The following LRRTM4 variants were observed in gnomAD, a reference collection of about 807,000 sequenced individuals.
LRRTM4 encodes leucine-rich repeat transmembrane neuronal protein 4.
A neutral mutation model predicts 47.6 loss-of-function variants in LRRTM4; 25 were observed. The ratio of observed to expected loss-of-function variants is 0.53; its 90% CI spans 0.38 to 0.73. LRRTM4 has a LOEUF of 0.73. Ranked by LOEUF, LRRTM4 falls within the 30% of genes least tolerant of loss-of-function variation. The pLI is 0.00. For synonymous variants in LRRTM4, 311 were observed against 269.5 expected (o/e 1.15, Z -1.51); for missense variants, 638 against 713.4 (o/e 0.89, Z 1.20).
chr2:76,819,018 G>C (rs1312068303), intron 3 of LRRTM4, among the ~76,000 whole-genome samples: 1 of 151,642 alleles, frequency 6.6e-6, no homozygotes, highest in Non-Finnish European at 1.5e-5. Flanking sequence ...ACAAAGAAAA[G>C]AGCAGAACAA....
At chr2:76,858,240 G>T (rs941343171) in intron 3 of LRRTM4, among the ~76,000 whole-genome samples, 1 of 152,124 alleles carries the variant, frequency 6.6e-6, no homozygotes, top group African/African-American at 2.4e-5. Context: ...GCCTAAGATG[G>T]ATAGGCCTCA....
At chr2:76,966,512 C>A (rs1676030350) in intron 3 of LRRTM4, among the ~76,000 whole-genome samples, 2 of 151,378 alleles carry the variant, frequency 1.3e-5, no homozygotes, top group South Asian at 4.1e-4. Flanking sequence ...GGCTCTTTCA[C>A]TTCTAAAAAA....
intron 3 of LRRTM4, among the ~76,000 whole-genome samples, chr2:77,404,457 G>T (rs1379921810): frequency 6.6e-6 from 1 of 151,808 alleles, no homozygotes; most frequent in African/African-American, 2.4e-5. Context: ...GTCTTTCTCT[G>T]TTGGGCACTA....
chr2:77,270,411 GCT>G (rs1558662047), intron 3 of LRRTM4, among the ~76,000 whole-genome samples: 3 of 152,088 alleles, frequency 2.0e-5, no homozygotes, highest in Non-Finnish European at 4.4e-5. Flanking sequence ...GGTTACCCTT[GCT>G]TGGTTCTCCT....
chr2:76,940,555 G>A (rs942694005), intron 3 of LRRTM4, among the ~76,000 whole-genome samples: 9 of 152,118 alleles, frequency 5.9e-5, no homozygotes, highest in Non-Finnish European at 1.2e-4. Context: ...TAACACATGG[G>A]TGACAAAATA....
chr2:77,168,657 C>T (rs1238065683), intron 3 of LRRTM4, among the ~76,000 whole-genome samples: 12 of 152,104 alleles, frequency 7.9e-5, no homozygotes, highest in Non-Finnish European at 1.6e-4. Flanking sequence ...CTTATTACTT[C>T]CAACTGTATG....
intron 3 of LRRTM4, among the ~76,000 whole-genome samples, chr2:77,254,861 A>G (rs531306015): frequency 6.6e-6 from 1 of 151,572 alleles, no homozygotes; most frequent in East Asian, 1.9e-4. Context: ...GAATAGAAGT[A>G]AAAGCGAACA....
intron 3 of LRRTM4, among the ~76,000 whole-genome samples, chr2:77,013,310 T>C (rs1406085246): frequency 6.6e-6 from 1 of 152,176 alleles, no homozygotes; most frequent in Non-Finnish European, 1.5e-5. Flanking sequence ...TGATATGTTT[T>C]GGCAAAGGCA....
At chr2:76,948,327 C>T (rs1288284607) in intron 3 of LRRTM4, among the ~76,000 whole-genome samples, 1 of 151,802 alleles carries the variant, frequency 6.6e-6, no homozygotes, top group East Asian at 1.9e-4. Context: ...GGTGTGTAAC[C>T]AACATGACTG....
chr2:76,922,596 T>C (rs2103811797), intron 3 of LRRTM4, among the ~76,000 whole-genome samples: 1 of 151,960 alleles, frequency 6.6e-6, no homozygotes, highest in Middle Eastern at 3.4e-3. Context: ...AAGCAGAAAG[T>C]GGATTGATAG....
chr2:76,921,206 T>C lies in LRRTM4; in HGVS notation c.1552-172290A>G, dbSNP rs188705223. ...TTTCTCAGACTTTGCTTTTGATGAC[T>C]TGACAATTTTAAGGAGCACTGGTCA... On this transcript the variant is annotated intron_variant, in intron 3 of 3. Coordinates refer to ENST00000409884, the MANE Select transcript of LRRTM4 (RefSeq NM_001134745.3). Among the ~76,000 whole-genome samples the C allele has an allele frequency of 9.2e-5, 14 of 152,282 alleles. No individual in the cohort carries two copies. In the East Asian group the frequency reaches 2.7e-3, roughly 29 times the overall value.
chr2:77,115,614 A>G (rs1671371266), intron 3 of LRRTM4, among the ~76,000 whole-genome samples: 1 of 152,196 alleles, frequency 6.6e-6, no homozygotes, highest in Non-Finnish European at 1.5e-5. Flanking sequence ...AAAGCAAAAC[A>G]CAAGTCCTAA....
chr2:77,083,553 T>C (rs1680599509), intron 3 of LRRTM4, among the ~76,000 whole-genome samples: 2 of 152,080 alleles, frequency 1.3e-5, no homozygotes, highest in African/African-American at 4.8e-5. Context: ...CCTGAAAATA[T>C]TAGACAGTCA....
At chr2:77,038,544 T>C (rs1678913075) in intron 3 of LRRTM4, among the ~76,000 whole-genome samples, 1 of 151,588 alleles carries the variant, frequency 6.6e-6, no homozygotes, top group Non-Finnish European at 1.5e-5. Context: ...GATACAAAAT[T>C]CTGTATCCCC....
Position 77,193,659 on chromosome 2 carries a change from A to G in LRRTM4, c.1551+324659T>C, listed in dbSNP as rs544376576. Reference sequence around the variant, plus strand: ...ACCCCGTCTCTACAAAAAATACAAAAATTAGCCGGGCATGGTGGCACATGC... The same window carrying G: ...ACCCCGTCTCTACAAAAAATACAAAGATTAGCCGGGCATGGTGGCACATGC... On this transcript the variant is annotated intron_variant, in intron 3 of 3. Coordinates refer to ENST00000409884, the MANE Select transcript of LRRTM4 (RefSeq NM_001134745.3). 1.4e-3 allele frequency among the ~76,000 whole-genome samples: 212 copies of G among 152,248 alleles called. 1 individual carries two copies. The highest frequency in any genetic ancestry group is 4.9e-3 in the African/African-American group (203 of 41,552).
At chr2:76,875,101 T>A (rs527945851) in intron 3 of LRRTM4, among the ~76,000 whole-genome samples, 1 of 152,246 alleles carries the variant, frequency 6.6e-6, no homozygotes, top group South Asian at 2.1e-4. Context: ...AATGAAAGCT[T>A]CTGCATGAGG....
rs548127267 is a variant in LRRTM4 at position 76,893,246 on chromosome 2, T to A, written c.1552-144330A>T. Among the ~76,000 whole-genome samples, 7 of 151,760 alleles carry A rather than the reference T, an allele frequency of 4.6e-5. No homozygotes were observed. The South Asian group carries it at 1.4e-3, about 31-fold the overall frequency. On this transcript the variant is annotated intron_variant, in intron 3 of 3. Transcript: ENST00000409884. The stretch of plus-strand genomic sequence containing the variant: ...CTTGATCTTTAAAAGAGATTGAATA[T>A]GTGTTGCTCACAAGACATACAAGAA...
At chr2:76,767,641 C>T (rs929002598) in intron 3 of LRRTM4, among the ~76,000 whole-genome samples, 1 of 152,146 alleles carries the variant, frequency 6.6e-6, no homozygotes, top group African/African-American at 2.4e-5. Context: ...GCATTCAAGG[C>T]AAGTCTTGAT....
intron 3 of LRRTM4, among the ~76,000 whole-genome samples, chr2:77,128,387 T>C (rs531611498): frequency 7.2e-6 from 1 of 138,134 alleles, no homozygotes; most frequent in African/African-American, 2.7e-5. Context: ...AATTTTGAAA[T>C]TCTGTAACAG....
Sources: gnomAD v4.1 joint callset for allele counts (sites outside exome capture counted in the v4.1 genomes callset) on GRCh38, gnomAD v4.1.1 for gene constraint, MANE v1.5 for transcripts, NCBI Gene and HGNC (gene_info 2026-07-23, HGNC 2026-07-21) for gene names.